Variants in SLC13A5 observed in about 807,000 individuals in gnomAD.
SLC13A5 encodes Na(+)/citrate cotransporter.
Under a neutral mutation model 56.5 loss-of-function variants are expected in SLC13A5, and 25 were observed. The observed-to-expected ratio is 0.44, with a 90% CI of 0.32 to 0.62. SLC13A5 has a LOEUF of 0.62. Among genes scored for constraint, SLC13A5 ranks in the 20% least tolerant of loss-of-function variants. The probability of loss-of-function intolerance (pLI) is 0.04; values close to 1 mark genes in which losing one functional copy is unlikely to be tolerated. For synonymous variants in SLC13A5, 307 were observed against 301.5 expected, an observed-to-expected ratio of 1.02 and a Z score of -0.19; for missense variants, 649 against 737.8, an observed-to-expected ratio of 0.88 and a Z score of 1.39.
chr17:6,692,870 G>C lies in SLC13A5; in HGVS notation c.1275+174C>G. ...GGTTACTTTCTGTCTTCCAGGCCCT[G>C]TGTGTGGTGTAGAGTTCCTAGATGA... On this transcript the variant is annotated intron_variant, in intron 9 of 11. Coordinates refer to ENST00000433363, the MANE Select transcript of SLC13A5 (RefSeq NM_177550.5). This position sits in a 1 kb window ranked among gnomAD's most constrained non-coding sequence, Gnocchi z 5.5. 1.6e-6 allele frequency: 1 copy of C among 610,032 alleles called. No individual in the cohort carries two copies. The highest frequency in any genetic ancestry group is 2.9e-6 in the Non-Finnish European group (1 of 340,458). The allele number at this position is 610,032 out of a possible 1,614,324, so 37.8% of individuals were successfully genotyped here. A position where few individuals can be genotyped will look rare whatever the true frequency, so the allele number is the denominator to read the frequency against.
intron 3 of SLC13A5, among the ~76,000 whole-genome samples, chr17:6,705,728 C>T (rs1326849925): frequency 6.6e-6 from 1 of 152,150 alleles, no homozygotes; most frequent in Non-Finnish European, 1.5e-5. Flanking sequence ...CACAGGGGCG[C>T]CTCAGGAGGA....
chr17:6,696,203 G>A (rs1973556877), intron 6 of SLC13A5, among the ~76,000 whole-genome samples: 2 of 152,188 alleles, frequency 1.3e-5, no homozygotes, highest in Non-Finnish European at 2.9e-5. Flanking sequence ...GGCTGCTCCA[G>A]GGTCACCTGG....
chr17:6,697,192 T>G, intron 6 of SLC13A5, among the ~76,000 whole-genome samples: 1 of 152,128 alleles, frequency 6.6e-6, no homozygotes, highest in East Asian at 1.9e-4. Context: ...TAGTAAAGTT[T>G]GTGCTCTACC....
rs1973421421 is a variant in SLC13A5, at chr17:6,692,112, G to A, written c.1275+932C>T. Among the ~76,000 whole-genome samples, 1 of 148,818 alleles carries A rather than the reference G, an allele frequency of 6.7e-6. No individual in the cohort carries two copies. Among genetic ancestry groups the A allele is most frequent in the South Asian group, 2.1e-4 (1 of 4,702 alleles). On this transcript the variant is annotated intron_variant, in intron 9 of 11. Transcript: ENST00000433363. The surrounding 1 kb of genome is among the most constrained non-coding windows in gnomAD (Gnocchi z 5.5). ...AGGGACATAATAGGAATGTTGGATG[G>A]ATGGATGGATAGATGGATGGATGGA...
At position 6,706,504 on chromosome 17, in the gene SLC13A5, G is replaced by A. The variant is rs552369946; in HGVS notation, c.368+138C>T. The stretch of plus-strand genomic sequence containing the variant: ...TGGTCTCTCCCACTAAAGCTATAAC[G>A]CACCCCACCCAGCCAAGTCCAGGTA... On this transcript the variant is annotated intron_variant, in intron 3 of 11. Transcript: ENST00000433363. 289 of 1,252,548 alleles carry A rather than the reference G, an allele frequency of 2.3e-4. 2 individuals are homozygous for A. Among genetic ancestry groups the A allele is most frequent in the Middle Eastern group, 2.2e-3 (8 of 3,562 alleles). The allele number at this position is 1,252,548 out of a possible 1,614,324, so 77.6% of individuals were successfully genotyped here. A position where few individuals can be genotyped will look rare whatever the true frequency, so the allele number is the denominator to read the frequency against.
intron 1 of SLC13A5, 109 bp from the exon 2 acceptor site, chr17:6,707,265 A>C: frequency 4.3e-6 from 6 of 1,384,600 alleles, no homozygotes; most frequent in South Asian, 1.3e-5. Context: ...TGCTGATCTC[A>C]GAGGGATTCC....
Position 6,703,927 on chromosome 17 carries a change from G to A in SLC13A5, c.498C>T (p.Thr166=), listed in dbSNP as rs906604048. 2.2e-5 allele frequency: 35 copies of A among 1,598,300 alleles called. No homozygotes were observed. In the Middle Eastern group the frequency reaches 8.3e-4, roughly 38 times the overall value. ...LQQMEATSAA[T]EAGLELVDKG... Reference sequence around the variant, plus strand: ...TGTCCACCAGCTCCAGGCCGGCCTCGGTGGCTGCGCTTGTGGCTTCCATCT... The same window carrying A: ...TGTCCACCAGCTCCAGGCCGGCCTCAGTGGCTGCGCTTGTGGCTTCCATCT... The change falls in exon 4 of 12, where the codon ACC becomes ACT. Residue 166 remains threonine, a synonymous_variant. Transcript: ENST00000433363.
In SLC13A5 at chr17:6,687,398, C is replaced by T. The variant is rs1000788000; in HGVS notation, c.1575+131G>A. 8.2e-7 allele frequency: 1 copy of T among 1,213,696 alleles called. No homozygotes were observed. Among genetic ancestry groups the T allele is most frequent in the Non-Finnish European group, 1.2e-6 (1 of 847,340 alleles). The allele number at this position is 1,213,696 out of a possible 1,614,324, so 75.2% of individuals were successfully genotyped here. A position where few individuals can be genotyped will look rare whatever the true frequency, so the allele number is the denominator to read the frequency against. ...GCATTATAAATGTCAACAATGGCTA[C>T]AGGTCTGGATGTTCCGTGGCATTCC... On this transcript the variant is annotated intron_variant, in intron 11 of 11. Transcript: ENST00000433363. This position sits in a 1 kb window ranked among gnomAD's most constrained non-coding sequence, Gnocchi z 5.0.
At chr17:6,705,819 A>G (rs1973850385) in intron 3 of SLC13A5, among the ~76,000 whole-genome samples, 1 of 152,224 alleles carries the variant, frequency 6.6e-6, no homozygotes, top group Non-Finnish European at 1.5e-5. Context: ...CATTGTCTCA[A>G]AAGGAAGATA....
chr17:6,705,596 G>A (rs1301069841), intron 3 of SLC13A5: 1 of 152,326 alleles, frequency 6.6e-6, no homozygotes, highest in East Asian at 1.9e-4. Flanking sequence ...ATGTGTAACA[G>A]ATCAGAGAGC....
At position 6,706,765 on chromosome 17, in the gene SLC13A5, T is replaced by C. The variant is rs747526311; in HGVS notation, c.245A>G (p.Tyr82Cys). 1 of 1,614,106 alleles carries C rather than the reference T, an allele frequency of 6.2e-7. No individual in the cohort carries two copies. The change falls in exon 3 of 12, where the codon TAC (tyrosine) becomes TGC (cysteine). Residue 82 changes from tyrosine (Y) to cysteine (C), a missense_variant. By Grantham distance (194) the Tyr-to-Cys change is radical. Transcript: ENST00000433363. The part of the protein sequence containing the change: ...ILDSRQVCVQ[Y>C]MKDTNMLFLG... The stretch of plus-strand genomic sequence containing the variant: ...GAACAGCATGTTGGTGTCCTTCATG[T>C]ACTGGACACACACCTGGAGCGTGGC...
At position 6,712,244 on chromosome 17, in the gene SLC13A5, T is replaced by C. The variant is rs984064224; in HGVS notation, c.102+988A>G. Among the ~76,000 whole-genome samples the C allele has an allele frequency of 4.1e-4, 63 of 152,192 alleles. 1 individual carries two copies. The highest frequency in any genetic ancestry group is 8.2e-4 in the Non-Finnish European group (56 of 68,026). ...CAGAGCATCCCCTGAAGAGCTCCTC[T>C]GTTTCCCAAACCTGCCTGGGGAGGG... On this transcript the variant is annotated intron_variant, in intron 1 of 11. Transcript: ENST00000433363.
At position 6,711,176 on chromosome 17, in the gene SLC13A5, C is replaced by T. The variant is rs1238299903; in HGVS notation, c.102+2056G>A. Among the ~76,000 whole-genome samples, 1 of 152,066 alleles carries T rather than the reference C, an allele frequency of 6.6e-6. No individual in the cohort carries two copies. Among genetic ancestry groups the T allele is most frequent in the African/African-American group, 2.4e-5 (1 of 41,390 alleles). ...GGTCCTCCCAGCTTCTCACCAGCTT[C>T]CCAGCTGCCCTGCCCGTGCTGTGTA... is the stretch of plus-strand genomic sequence containing the variant. On this transcript the variant is annotated intron_variant, in intron 1 of 11. Coordinates refer to ENST00000433363, the MANE Select transcript of SLC13A5 (RefSeq NM_177550.5). The surrounding 1 kb of genome is among the most constrained non-coding windows in gnomAD (Gnocchi z 4.0).
At chr17:6,704,371 C>G (rs765903498) in intron 3 of SLC13A5, 1 of 481,540 alleles carries the variant, frequency 2.1e-6, no homozygotes, top group South Asian at 1.7e-5. Context: ...GCCCCACCAT[C>G]TAGCAGGGGA....
At chr17:6,686,392 A>G in intron 11 of SLC13A5, 54 bp from the exon 12 acceptor site, 1 of 1,610,158 alleles carries the variant, frequency 6.2e-7, no homozygotes, top group South Asian at 1.1e-5. Flanking sequence ...TAGTGCTCTC[A>G]GAGAGGAGGA....
chr17:6,708,257 C>G (rs561331954), intron 1 of SLC13A5, among the ~76,000 whole-genome samples: 1 of 152,208 alleles, frequency 6.6e-6, no homozygotes, highest in Non-Finnish European at 1.5e-5. Flanking sequence ...CGTGAGCCAC[C>G]GCGCCCAACC....
At chr17:6,699,690 C>T (rs182938298) in intron 6 of SLC13A5, among the ~76,000 whole-genome samples, 1 of 152,264 alleles carries the variant, frequency 6.6e-6, no homozygotes. Flanking sequence ...AGGCTGGTCT[C>T]GAGCTCCTGA....
At position 6,687,785 on chromosome 17, in the gene SLC13A5, G is replaced by T. The variant is rs563326986; in HGVS notation, c.1438-119C>A. The T allele has an allele frequency of 7.9e-7, 1 of 1,272,424 alleles. No individual in the cohort carries two copies. The allele number at this position is 1,272,424 out of a possible 1,614,324, so 78.8% of individuals were successfully genotyped here. ...GTTTGAACCTCTGTGCCTCAGTCTT[G>T]GTTCCTCTCCCTTTTGCCACGTCTC... On this transcript the variant is annotated intron_variant, in intron 10 of 11. Coordinates refer to ENST00000433363, the MANE Select transcript of SLC13A5 (RefSeq NM_177550.5). This position sits in a 1 kb window ranked among gnomAD's most constrained non-coding sequence, Gnocchi z 5.0.
intron 6 of SLC13A5, among the ~76,000 whole-genome samples, chr17:6,698,007 T>A (rs1323254430): frequency 6.6e-6 from 1 of 152,208 alleles, no homozygotes; most frequent in Non-Finnish European, 1.5e-5. Context: ...GGGAGGTCCA[T>A]GAGGCCACAA....
Sources: gnomAD v4.1 joint callset for allele counts (sites outside exome capture counted in the v4.1 genomes callset) on GRCh38, gnomAD v4.1.1 for gene constraint, Gnocchi (gnomAD v3.1) non-coding constraint, MANE v1.5 for transcripts, NCBI Gene and HGNC (gene_info 2026-07-23, HGNC 2026-07-21) for gene names.